The following PSTPIP1 variants were observed in gnomAD, a reference collection of about 807,000 sequenced individuals.
PSTPIP1 encodes the protein proline-serine-threonine phosphatase interacting protein 1, also known as proline-serine-threonine phosphatase-interacting protein 1.
In PSTPIP1, 66 loss-of-function variants were observed where a neutral mutation model predicts 69.6. That is an observed-to-expected ratio of 0.95 (90% confidence interval 0.78 to 1.16). The LOEUF is 1.16. Ranked by LOEUF, PSTPIP1 falls within the 50% of genes most tolerant of loss-of-function variation. The pLI is 0.00. For synonymous variants in PSTPIP1, 266 were observed against 222.7 expected (o/e 1.19, Z -1.73); for missense variants, 603 against 557.4 (o/e 1.08, Z -0.82).
chr15:77,036,983 C>T (rs1007210213), intron 14 of PSTPIP1, 62 bp from the exon 15 acceptor site: 12 of 1,581,646 alleles, frequency 7.6e-6, no homozygotes, highest in South Asian at 1.1e-5. Flanking sequence ...CGCCAGGCCC[C>T]TCCCTGCAGG....
rs1307258597 is a variant in PSTPIP1 at position 77,027,521 on chromosome 15, G to A, written c.355-331G>A. Among the ~76,000 whole-genome samples the A allele has an allele frequency of 9.2e-5, 14 of 152,212 alleles. No individual in the cohort carries two copies. Among genetic ancestry groups the A allele is most frequent in the Non-Finnish European group, 1.5e-5 (1 of 68,042 alleles). ...CCAGAGTGTACACACACGTGTGAGC[G>A]ACTGTGATGCCTGCAGAGGCTCAGG... On this transcript the variant is annotated intron_variant, in intron 5 of 14. Transcript: ENST00000558012. This position sits in a 1 kb window ranked among gnomAD's most constrained non-coding sequence, Gnocchi z 4.3.
chr15:77,025,578 GAGAGGCAGAAGGAGC>G lies in PSTPIP1; in HGVS notation c.334_348del (p.Gln112_Arg116del). 1 of 1,551,168 alleles carries G rather than the reference GAGAGGCAGAAGGAGC, an allele frequency of 6.4e-7. No individual in the cohort carries two copies. The highest frequency in any genetic ancestry group is 8.7e-7 in the Non-Finnish European group (1 of 1,146,308). On this transcript the variant is annotated inframe_deletion, in exon 5 of 15. Coordinates refer to ENST00000558012, the MANE Select transcript of PSTPIP1 (RefSeq NM_003978.5). ...GCTGCGGAGTCTCGAGGAGTTTCGT[GAGAGGCAGAAGGAGC>G]AGAGGAAGAAGGTGAGGCAGGTGCA...
rs1398433722 is a variant in PSTPIP1, at chr15:77,035,827, C to G, written c.1011C>G (p.Thr337=). Residue 337 remains threonine (T), a synonymous_variant, in exon 14 of 15, where the codon ACC becomes ACG. Coordinates refer to ENST00000558012, the MANE Select transcript of PSTPIP1 (RefSeq NM_003978.5). ...SAASTETLTP[T]PERNEGVYTA... is the part of the protein sequence containing the mutation. The stretch of plus-strand genomic sequence containing the variant: ...CGTCCACAGAGACCCTGACCCCCAC[C>G]CCCGAGCGGAATGAGGGTGTCTACA... 1 of 1,609,712 alleles carries G rather than the reference C, an allele frequency of 6.2e-7. No individual in the cohort carries two copies. The highest frequency in any genetic ancestry group is 8.5e-7 in the Non-Finnish European group (1 of 1,179,618).
rs928954294 is a variant in PSTPIP1 at position 77,037,219 on chromosome 15, C to G, written c.*43C>G. The G allele has an allele frequency of 7.7e-6, 12 of 1,557,792 alleles. No homozygotes were observed. The highest frequency in any genetic ancestry group is 1.0e-5 in the Non-Finnish European group (12 of 1,152,828). ...CTTCGGACCTGCCCTGCCAGTGGAG[C>G]CAGCAGTGCCCCCAGCACTGTCCCC... On this transcript the variant is annotated 3_prime_UTR_variant, in exon 15 of 15. Transcript: ENST00000558012.
intron 12 of PSTPIP1, 38 bp from the exon 13 acceptor site, chr15:77,035,470 G>A (rs1296818592): frequency 6.4e-7 from 1 of 1,558,638 alleles, no homozygotes; most frequent in Non-Finnish European, 8.7e-7. Flanking sequence ...CCTGAGTGTG[G>A]GGCGGGGACA....
intron 1 of PSTPIP1, among the ~76,000 whole-genome samples, chr15:77,011,071 C>T (rs578103911): frequency 5.3e-4 from 81 of 152,136 alleles, no homozygotes; most frequent in Non-Finnish European, 8.2e-4. Context: ...GCTTTCCTGC[C>T]TCATCATTGA....
At chr15:77,033,573 G>C (rs1383087244) in intron 12 of PSTPIP1, among the ~76,000 whole-genome samples, 1 of 152,148 alleles carries the variant, frequency 6.6e-6, no homozygotes, top group Non-Finnish European at 1.5e-5. Flanking sequence ...GAGGCCATGT[G>C]CCCTGTGAGC....
At position 77,025,206 on chromosome 15, in the gene PSTPIP1, A is replaced by AC. The variant is rs2076250774; in HGVS notation, c.213-74dup. ...AAAATAAAAGTCCTCCCCACTGCCC[A>AC]CCCCGCCGGGAGGCAGCCTGGACTG... On this transcript the variant is annotated intron_variant, in intron 3 of 14. Transcript: ENST00000558012. 1.1e-5 allele frequency: 16 copies of AC among 1,488,950 alleles called. No individual in the cohort carries two copies. The South Asian group carries it at 1.8e-4, about 17-fold the overall frequency. The allele number at this position is 1,488,950 out of a possible 1,614,324, so 92.2% of individuals were successfully genotyped here. A position where few individuals can be genotyped will look rare whatever the true frequency, so the allele number is the denominator to read the frequency against.
upstream of PSTPIP1, chr15:76,994,756 G>A: frequency 3.1e-6 from 4 of 1,289,112 alleles, no homozygotes; most frequent in Non-Finnish European, 4.0e-6. Flanking sequence ...TTGAGGGCAG[G>A]ACCTGGTTTG....
chr15:77,020,879 G>T (rs77589398), intron 3 of PSTPIP1, among the ~76,000 whole-genome samples: 12,005 of 128,294 alleles, frequency 0.094, 659 homozygotes, highest in Middle Eastern at 0.13. Context: ...GGGGGGGGGG[G>T]GTGTGTGTGT....
chr15:76,996,626 C>T (rs931627506), intron 1 of PSTPIP1, among the ~76,000 whole-genome samples: 1 of 152,246 alleles, frequency 6.6e-6, no homozygotes, highest in Non-Finnish European at 1.5e-5. Flanking sequence ...CCCTTCCGGC[C>T]GGCTCCACTT....
intron 1 of PSTPIP1, among the ~76,000 whole-genome samples, chr15:77,015,124 C>A (rs2076023765): frequency 6.6e-6 from 1 of 152,232 alleles, no homozygotes. Context: ...TCCACAGTAA[C>A]TGAATTATAG....
chr15:77,028,721 G>GT, intron 7 of PSTPIP1, 69 bp downstream of exon 7: 1 of 1,301,622 alleles, frequency 7.7e-7, no homozygotes, highest in Non-Finnish European at 1.0e-6. Flanking sequence ...AGGAAGGGGT[G>GT]CCGTAGACAC....
rs2076308202 is a variant in PSTPIP1, at chr15:77,027,572, C to T, written c.355-280C>T. Reference sequence around the variant, plus strand: ...GATGCAGGATGAACGACTGTGTGCGCACGTGTGTTGGGGTGGGAACTCCCC... The same window carrying T: ...GATGCAGGATGAACGACTGTGTGCGTACGTGTGTTGGGGTGGGAACTCCCC... On this transcript the variant is annotated intron_variant, in intron 5 of 14. Transcript: ENST00000558012. This position sits in a 1 kb window ranked among gnomAD's most constrained non-coding sequence, Gnocchi z 4.3. Among the ~76,000 whole-genome samples, 1 of 152,194 alleles carries T rather than the reference C, an allele frequency of 6.6e-6. No homozygotes were observed. Among genetic ancestry groups the T allele is most frequent in the Non-Finnish European group, 1.5e-5 (1 of 68,026 alleles).
rs769856427 is a variant in PSTPIP1 at position 77,032,083 on chromosome 15, G to A, written c.742-215G>A. On this transcript the variant is annotated intron_variant, in intron 10 of 14. Transcript: ENST00000558012. ...GTGGGGTCTACCTTAGAGGACAGGT[G>A]TGAGTTAAGTCCCTTGCACAGGGCC... Among the ~76,000 whole-genome samples, 10 of 152,230 alleles carry A rather than the reference G, an allele frequency of 6.6e-5. No individual in the cohort carries two copies. In the East Asian group the frequency reaches 1.9e-3, roughly 29 times the overall value.
Position 77,027,132 on chromosome 15 carries a change from G to C in PSTPIP1, c.355-720G>C, listed in dbSNP as rs1224896647. Among the ~76,000 whole-genome samples, 1 of 152,228 alleles carries C rather than the reference G, an allele frequency of 6.6e-6. No homozygotes were observed. Among genetic ancestry groups the C allele is most frequent in the Admixed American group, 6.5e-5 (1 of 15,290 alleles). ...GGTGTTTTGTGCTGTGTGTGTGTGA[G>C]TGCCTGTGCCTCGCTGGTCTCCCAG... On this transcript the variant is annotated intron_variant, in intron 5 of 14. Transcript: ENST00000558012. The surrounding 1 kb of genome is among the most constrained non-coding windows in gnomAD (Gnocchi z 4.3).
At chr15:76,999,763 G>A (rs781498825) in intron 1 of PSTPIP1, 1 of 152,346 alleles carries the variant, frequency 6.6e-6, no homozygotes, top group Non-Finnish European at 1.5e-5. Context: ...CAGGCAAGGA[G>A]TGCTCTGAGA....
chr15:77,019,151 A>G (rs1306181189), intron 3 of PSTPIP1, among the ~76,000 whole-genome samples: 1 of 152,206 alleles, frequency 6.6e-6, no homozygotes, highest in Non-Finnish European at 1.5e-5. Flanking sequence ...CCAGCCCCAC[A>G]GGTCTCTGCA....
At chr15:77,000,819 G>A (rs2075691864) in intron 1 of PSTPIP1, among the ~76,000 whole-genome samples, 1 of 152,126 alleles carries the variant, frequency 6.6e-6, no homozygotes, top group Non-Finnish European at 1.5e-5. Context: ...GGGATTACAG[G>A]CGTGAGCCAC....
Sources: allele counts gnomAD v4.1 joint callset (sites outside exome capture counted in the v4.1 genomes callset), GRCh38; gene constraint gnomAD v4.1.1; non-coding constraint Gnocchi (gnomAD v3.1); transcripts MANE v1.5; gene names NCBI Gene and HGNC (gene_info 2026-07-23, HGNC 2026-07-21).